OSCP1: variants seen among roughly 807,000 people sequenced by gnomAD.
The protein encoded by OSCP1 is protein OSCP1.
OSCP1 carries 35 observed loss-of-function variants against 45.1 expected under a neutral mutation model. That is an observed-to-expected ratio of 0.78 (90% confidence interval 0.59 to 1.03). The LOEUF is 1.03. Ranked by LOEUF, OSCP1 falls within the 50% of genes least tolerant of loss-of-function variation. OSCP1 has a pLI of 0.00. For missense variants in OSCP1, 400 were observed against 470.7 expected, an observed-to-expected ratio of 0.85 and a Z score of 1.39; for synonymous variants, 179 against 180.1, an observed-to-expected ratio of 0.99 and a Z score of 0.05.
chr1:36,449,496 A>G (rs2124060091), intron 1 of OSCP1, among the ~76,000 whole-genome samples: 1 of 152,244 alleles, frequency 6.6e-6, no homozygotes. Flanking sequence ...GATGAGTAAG[A>G]CCAATCTCCA....
chr1:36,419,143 A>AT, intron 8 of OSCP1, 89 bp from the exon 9 acceptor site: 1 of 1,158,500 alleles, frequency 8.6e-7, no homozygotes, highest in Non-Finnish European at 1.3e-6. Flanking sequence ...TTGGCAACCT[A>AT]TTTTTTCTGC....
rs374436783 is a variant in OSCP1 at position 36,418,156 on chromosome 1, T to C, written c.1123A>G (p.Met375Val). Residue 375 changes from methionine (M) to valine (V), a missense_variant, in exon 10 of 10, where the codon ATG becomes GTG. Coordinates refer to ENST00000235532, the MANE Select transcript of OSCP1 (RefSeq NM_145047.5). ...STSKGDDLLA[M>V]MDEL ...CAGAACAGCTATAACTCATCCATCA[T>C]GGCGAGCAAATCGTCCCCTTTGCTG... The C allele has an allele frequency of 6.2e-7, 1 of 1,614,176 alleles. No homozygotes were observed. Among genetic ancestry groups the C allele is most frequent in the Non-Finnish European group, 8.5e-7 (1 of 1,180,010 alleles).
chr1:36,423,252 A>G, intron 5 of OSCP1, 111 bp downstream of exon 5: 2 of 923,016 alleles, frequency 2.2e-6, no homozygotes, highest in Non-Finnish European at 3.6e-6. Flanking sequence ...CTGAAGAAAG[A>G]GAAGGGCTGG....
intron 1 of OSCP1, 85 bp downstream of exon 1, chr1:36,450,173 G>A (rs957195482): frequency 6.6e-6 from 7 of 1,062,436 alleles, no homozygotes; most frequent in Non-Finnish European, 1.0e-5. Flanking sequence ...GTAGGGGTGC[G>A]GGTCTGGCTG....
Position 36,422,167 on chromosome 1 carries a change from A to G in OSCP1, c.802T>C (p.Leu268=), listed in dbSNP as rs766500309. ...ETHVSGSSKN[L]ASWTQESIAP... The stretch of plus-strand genomic sequence containing the variant: ...AAGCTCACCTGGGTCCATGAGGCTA[A>G]GTTCTTTGATGATCCAGACACATGA... Residue 268 remains leucine (L), a synonymous_variant, in exon 7 of 10, where the codon TTA becomes CTA. Transcript: ENST00000235532. 6.2e-7 allele frequency: 1 copy of G among 1,614,128 alleles called. No individual in the cohort carries two copies.
At chr1:36,443,786 CAG>C (rs1649341131) in intron 1 of OSCP1, among the ~76,000 whole-genome samples, 8 of 152,330 alleles carry the variant, frequency 5.3e-5, no homozygotes, top group Admixed American at 4.6e-4. Flanking sequence ...GCTTTTTGGT[CAG>C]AGTTTGCTTA....
chr1:36,429,839 C>G (rs1315204549), intron 4 of OSCP1, among the ~76,000 whole-genome samples: 1 of 141,976 alleles, frequency 7.0e-6, no homozygotes, highest in Admixed American at 7.2e-5. Context: ...GAGATGGAGT[C>G]TTGCTCTGTC....
chr1:36,421,861 G>A (rs10493073), intron 7 of OSCP1: 36,220 of 445,218 alleles, frequency 0.081, 1,694 homozygotes, highest in Middle Eastern at 0.14. Context: ...CAGCAATCAC[G>A]GACCTAATGG....
At chr1:36,439,329 T>C (rs1295203797) in intron 1 of OSCP1, among the ~76,000 whole-genome samples, 1 of 152,098 alleles carries the variant, frequency 6.6e-6, no homozygotes, top group Non-Finnish European at 1.5e-5. Context: ...GAGACCAGCC[T>C]GGGCAACATA....
chr1:36,431,728 G>A, intron 4 of OSCP1, 74 bp downstream of exon 4: 2 of 1,428,314 alleles, frequency 1.4e-6, no homozygotes, highest in South Asian at 2.4e-5. Flanking sequence ...GTCCTTGTTT[G>A]CCCTCATGAC....
intron 4 of OSCP1, among the ~76,000 whole-genome samples, chr1:36,430,166 C>T (rs1383468151): frequency 1.3e-5 from 2 of 151,860 alleles, no homozygotes; most frequent in Non-Finnish European, 2.9e-5. Context: ...CCTCAGCCTC[C>T]CAAATATCTG....
intron 4 of OSCP1, among the ~76,000 whole-genome samples, chr1:36,430,343 A>G (rs1648278510): frequency 6.6e-6 from 1 of 152,038 alleles, no homozygotes; most frequent in Non-Finnish European, 1.5e-5. Context: ...GCCTGGCTAG[A>G]AAATGTGTTT....
At chr1:36,431,957 G>T in intron 3 of OSCP1, 75 bp from the exon 4 acceptor site, 1 of 1,378,122 alleles carries the variant, frequency 7.3e-7, no homozygotes, top group Non-Finnish European at 1.0e-6. Flanking sequence ...GGGCAGATGG[G>T]TACTCAGGGA....
In OSCP1 at chr1:36,418,052, C is replaced by T; in HGVS notation, c.*87G>A. The T allele has an allele frequency of 1.0e-6, 1 of 999,184 alleles. No homozygotes were observed. The highest frequency in any genetic ancestry group is 1.5e-6 in the Non-Finnish European group (1 of 657,718). The allele number at this position is 999,184 out of a possible 1,614,324, so 61.9% of individuals were successfully genotyped here. A position where few individuals can be genotyped will look rare whatever the true frequency, so the allele number is the denominator to read the frequency against. ...ATGGCTTCACTCAGTAGAAAACTAG[C>T]AGCATCATTCTGGGCCATGGGGCAT... On this transcript the variant is annotated 3_prime_UTR_variant, in exon 10 of 10. Transcript: ENST00000235532.
chr1:36,426,177 A>G (rs189025782), intron 4 of OSCP1, among the ~76,000 whole-genome samples: 68 of 152,318 alleles, frequency 4.5e-4, no homozygotes, highest in Non-Finnish European at 7.8e-4. Context: ...GGGAATATTT[A>G]TATGTGCTAG....
In OSCP1 at chr1:36,432,409, A is replaced by G; in HGVS notation, c.435+13T>C. ...ACTGGGGCTGAGAGGCGAGACACTG[A>G]TGGCACTCTTACTTCTGTCAGCTGC... is the stretch of plus-strand genomic sequence containing the variant. On this transcript the variant is annotated intron_variant, in intron 3 of 9. Transcript: ENST00000235532. 6.2e-7 allele frequency: 1 copy of G among 1,613,220 alleles called. No homozygotes were observed. Among genetic ancestry groups the G allele is most frequent in the African/African-American group, 1.3e-5 (1 of 75,012 alleles).
At chr1:36,445,452 A>G (rs893703191) in intron 1 of OSCP1, among the ~76,000 whole-genome samples, 1 of 152,254 alleles carries the variant, frequency 6.6e-6, no homozygotes, top group African/African-American at 2.4e-5. Context: ...AGTTATAATC[A>G]AAGTATACAC....
At chr1:36,436,558 A>G (rs1648762091) in intron 2 of OSCP1, among the ~76,000 whole-genome samples, 1 of 152,126 alleles carries the variant, frequency 6.6e-6, no homozygotes, top group African/African-American at 2.4e-5. Flanking sequence ...ATTTTTTTGT[A>G]GAGATTTGGT....
chr1:36,437,934 G>C (rs922455867), intron 2 of OSCP1, among the ~76,000 whole-genome samples: 9 of 152,078 alleles, frequency 5.9e-5, no homozygotes, highest in African/African-American at 1.9e-4. Flanking sequence ...TAGCACTTTG[G>C]GAGACTGAGG....
Sources: gnomAD v4.1 joint callset for allele counts (sites outside exome capture counted in the v4.1 genomes callset) on GRCh38, gnomAD v4.1.1 for gene constraint, MANE v1.5 for transcripts, NCBI Gene and HGNC (gene_info 2026-07-23, HGNC 2026-07-21) for gene names.